The following DPP6 variants were observed in gnomAD, a reference collection of about 807,000 sequenced individuals.
The protein encoded by DPP6 is A-type potassium channel modulatory protein DPP6.
DPP6 carries 69 observed loss-of-function variants against 122.6 expected under a neutral mutation model. The observed-to-expected ratio is 0.56, with a 90% CI of 0.46 to 0.69. DPP6 has a LOEUF of 0.69. DPP6 is among the 30% of genes least tolerant of loss of function. DPP6 has a pLI of 0.00. For synonymous variants in DPP6, 418 were observed against 433.1 expected (o/e 0.97, Z 0.43); for missense variants, 928 against 1,116.9 (o/e 0.83, Z 2.41).
At chr7:153,810,188 G>A in the DPP6 span, among the ~76,000 whole-genome samples, 1 of 152,260 alleles carries the variant, frequency 6.6e-6, no homozygotes, top group East Asian at 1.9e-4. Context: ...CCTTGTCCAC[G>A]TGTTTTTTGT....
chr7:154,679,323 C>T (rs1041634498), intron 7 of DPP6, among the ~76,000 whole-genome samples: 3 of 152,188 alleles, frequency 2.0e-5, no homozygotes, highest in African/African-American at 7.2e-5. Flanking sequence ...TGTCAGGTGA[C>T]AGCAATTCCC....
intron 7 of DPP6, among the ~76,000 whole-genome samples, chr7:154,711,291 C>T (rs773673145): frequency 6.6e-6 from 1 of 152,188 alleles, no homozygotes; most frequent in Non-Finnish European, 1.5e-5. Flanking sequence ...GTGGCCCACA[C>T]ATATGGGAGG....
chr7:154,806,798 C>G (rs1388212685), intron 15 of DPP6, among the ~76,000 whole-genome samples, 196 bp from the exon 16 acceptor site: 2 of 152,160 alleles, frequency 1.3e-5, no homozygotes, highest in Admixed American at 6.5e-5. Flanking sequence ...GGGAGGGACC[C>G]ACCAGCAAAG....
At chr7:154,173,216 G>T (rs999827353) in intron 1 of DPP6, among the ~76,000 whole-genome samples, 2 of 152,148 alleles carry the variant, frequency 1.3e-5, no homozygotes, top group Non-Finnish European at 2.9e-5. Context: ...TAACAAAAAT[G>T]GTTTCTGACT....
At chr7:154,676,324 C>T (rs955177628) in intron 7 of DPP6, among the ~76,000 whole-genome samples, 5 of 144,060 alleles carry the variant, frequency 3.5e-5, no homozygotes, top group African/African-American at 5.2e-5. Context: ...ACAGGTGTTC[C>T]GGGCTGCGGC....
At chr7:154,824,108 G>T (rs963929087) in intron 16 of DPP6, among the ~76,000 whole-genome samples, 2 of 152,210 alleles carry the variant, frequency 1.3e-5, no homozygotes, top group Non-Finnish European at 2.9e-5. Context: ...CTTAGTTGTA[G>T]ATCAGGAAAC....
chr7:154,743,239 A>C (rs889305599), intron 8 of DPP6, among the ~76,000 whole-genome samples: 8 of 152,022 alleles, frequency 5.3e-5, no homozygotes, highest in African/African-American at 1.7e-4. Flanking sequence ...CTTTTGTTTC[A>C]AGGTAGCATT....
intron 1 of DPP6, among the ~76,000 whole-genome samples, chr7:154,359,346 C>T (rs575640396): frequency 1.2e-4 from 18 of 152,140 alleles, no homozygotes; most frequent in Non-Finnish European, 2.1e-4. Flanking sequence ...ACCCCTGCCC[C>T]GGAGGAGATC....
chr7:153,983,243 C>T (rs773588107), intron 1 of DPP6, among the ~76,000 whole-genome samples: 4 of 152,236 alleles, frequency 2.6e-5, no homozygotes, highest in Non-Finnish European at 4.4e-5. Flanking sequence ...AGATGCCCTG[C>T]CCAGAGAGAA....
chr7:154,636,169 GT>G (rs1431222334), intron 5 of DPP6, among the ~76,000 whole-genome samples: 1 of 152,154 alleles, frequency 6.6e-6, no homozygotes, highest in African/African-American at 2.4e-5. Flanking sequence ...TGAAAAGGCG[GT>G]TTTGGAGGGA....
chr7:154,020,996 G>C (rs1187712939), intron 1 of DPP6, among the ~76,000 whole-genome samples: 2 of 152,154 alleles, frequency 1.3e-5, no homozygotes, highest in East Asian at 3.9e-4. Flanking sequence ...CCACATGGAT[G>C]ATGATGGGGA....
chr7:153,762,688 G>A, the DPP6 span, among the ~76,000 whole-genome samples: 20 of 152,272 alleles, frequency 1.3e-4, no homozygotes, highest in African/African-American at 4.3e-4. Context: ...GCTGAGGCAA[G>A]GGAATCGCTT....
At chr7:153,868,690 C>T in the DPP6 span, among the ~76,000 whole-genome samples, 1 of 152,110 alleles carries the variant, frequency 6.6e-6, no homozygotes, top group Non-Finnish European at 1.5e-5. Flanking sequence ...TTACCTTCTG[C>T]TAGCTTTTGA....
chr7:154,170,631 A>T (rs1281022735), intron 1 of DPP6, among the ~76,000 whole-genome samples: 1 of 152,180 alleles, frequency 6.6e-6, no homozygotes, highest in South Asian at 2.1e-4. Context: ...CTGGCTGCCA[A>T]CGGCTTGCCC....
chr7:154,193,560 G>A (rs552365858), intron 1 of DPP6, among the ~76,000 whole-genome samples: 3 of 152,204 alleles, frequency 2.0e-5, no homozygotes, highest in South Asian at 4.1e-4. Flanking sequence ...TCTCAGGACC[G>A]CAGGGCCAGA....
At position 154,467,299 on chromosome 7, in the gene DPP6, C is replaced by T. The variant is rs578197710; in HGVS notation, c.359-7640C>T. Among the ~76,000 whole-genome samples, 3 of 152,260 alleles carry T rather than the reference C, an allele frequency of 2.0e-5. No homozygotes were observed. The South Asian group carries it at 6.2e-4, about 32-fold the overall frequency. On this transcript the variant is annotated intron_variant, in intron 2 of 25. Transcript: ENST00000377770. ...GATATGGTTTGGCTCTGTGTTCCCACCCAAATCTCATGTCAAATTGTAATC... is the reference window on the plus strand; with the variant it reads ...GATATGGTTTGGCTCTGTGTTCCCATCCAAATCTCATGTCAAATTGTAATC...
chr7:154,892,223 A>G (rs760115346), intron 25 of DPP6, 111 bp from the exon 26 acceptor site: 71 of 1,440,814 alleles, frequency 4.9e-5, no homozygotes, highest in Non-Finnish European at 6.3e-5. Flanking sequence ...ATCAACTACA[A>G]TCCAGCCCCG....
rs1344854301 is a variant in DPP6 at position 153,902,707 on chromosome 7, G to A, written c.51+14973G>A. Among the ~76,000 whole-genome samples the A allele has an allele frequency of 3.3e-5, 5 of 152,112 alleles. No individual in the cohort carries two copies. The East Asian group carries it at 5.8e-4, about 18-fold the overall frequency. The stretch of plus-strand genomic sequence containing the variant: ...AAAAATTAGCTGGGTGTGGTGGCAG[G>A]TGCCTGTAATCCCAGCTGTTTGGGA... On this transcript the variant is annotated intron_variant, in intron 1 of 25. Coordinates refer to the DPP6 transcript ENST00000404039.
the DPP6 span, among the ~76,000 whole-genome samples, chr7:153,755,915 A>G: frequency 2.6e-5 from 4 of 152,182 alleles, no homozygotes; most frequent in East Asian, 3.9e-4. Flanking sequence ...GCTATGGGAC[A>G]TGGCAAACTC....
Sources: allele counts gnomAD v4.1 joint callset (sites outside exome capture counted in the v4.1 genomes callset), GRCh38; gene constraint gnomAD v4.1.1; transcripts MANE v1.5; gene names NCBI Gene and HGNC (gene_info 2026-07-23, HGNC 2026-07-21).